Variants in KIF18A observed in about 807,000 individuals in gnomAD.
KIF18A encodes the protein kinesin family member 18A.
Under a neutral mutation model 103.3 loss-of-function variants are expected in KIF18A, and 67 were observed. The observed-to-expected ratio is 0.65, with a 90% CI of 0.53 to 0.79. KIF18A has a LOEUF of 0.79. Ranked by LOEUF, KIF18A falls within the 30% of genes least tolerant of loss-of-function variation. The pLI is 0.00. For synonymous variants in KIF18A, 367 were observed against 355.5 expected (o/e 1.03, Z -0.36); for missense variants, 1,032 against 1,062.5 (o/e 0.97, Z 0.40).
intron 6 of KIF18A, among the ~76,000 whole-genome samples, chr11:28,087,359 T>A (rs1485450516): frequency 1.3e-5 from 2 of 152,244 alleles, no homozygotes; most frequent in African/African-American, 4.8e-5. Flanking sequence ...GTTCCTGTGT[T>A]AGTTTGCTGA....
intron 16 of KIF18A, among the ~76,000 whole-genome samples, 159 bp from the exon 17 acceptor site, chr11:28,021,441 G>T (rs1488613130): frequency 6.6e-6 from 1 of 152,170 alleles, no homozygotes; most frequent in Non-Finnish European, 1.5e-5. Flanking sequence ...ACAACAAAGA[G>T]ACATTAATAC....
At chr11:28,026,720 T>A (rs1017826055) in intron 15 of KIF18A, among the ~76,000 whole-genome samples, 6 of 151,744 alleles carry the variant, frequency 4.0e-5, no homozygotes, top group African/African-American at 9.7e-5. Flanking sequence ...TCTATAAACA[T>A]TTGTGACATC....
chr11:28,045,667 A>G (rs1337284623), intron 13 of KIF18A, among the ~76,000 whole-genome samples: 1 of 152,112 alleles, frequency 6.6e-6, no homozygotes, highest in Admixed American at 6.6e-5. Flanking sequence ...AGAAGAAATA[A>G]GGTGGCGGTG....
intron 9 of KIF18A, among the ~76,000 whole-genome samples, chr11:28,077,916 A>G (rs921153510): frequency 5.9e-5 from 9 of 152,176 alleles, no homozygotes; most frequent in African/African-American, 2.2e-4. Context: ...CTTCAAGCTG[A>G]TTAAATTTTA....
intron 13 of KIF18A, among the ~76,000 whole-genome samples, chr11:28,053,242 T>G (rs1204077846): frequency 6.6e-6 from 1 of 152,184 alleles, no homozygotes; most frequent in Non-Finnish European, 1.5e-5. Flanking sequence ...ACACACTTGA[T>G]GTAAATGGAA....
chr11:28,068,748 C>G (rs1025562828), intron 11 of KIF18A, among the ~76,000 whole-genome samples: 1 of 152,140 alleles, frequency 6.6e-6, no homozygotes, highest in Non-Finnish European at 1.5e-5. Flanking sequence ...CTGCATACTT[C>G]CAAGACTTAT....
chr11:28,100,081 G>C (rs1029699721), intron 1 of KIF18A, among the ~76,000 whole-genome samples: 7 of 152,098 alleles, frequency 4.6e-5, no homozygotes, highest in Non-Finnish European at 7.4e-5. Context: ...CAGGATTGAA[G>C]AATAACTCCA....
chr11:28,101,351 T>C (rs942531357), intron 1 of KIF18A, among the ~76,000 whole-genome samples: 10 of 152,198 alleles, frequency 6.6e-5, no homozygotes, highest in African/African-American at 2.4e-5. Context: ...ATAAATGAAA[T>C]TGTTAACAAA....
At position 28,097,968 on chromosome 11, in the gene KIF18A, A is replaced by G. The variant is rs779851589; in HGVS notation, c.-21T>C. 1.9e-5 allele frequency: 29 copies of G among 1,489,908 alleles called. No homozygotes were observed. The Middle Eastern group carries it at 5.3e-4, about 27-fold the overall frequency. The allele number at this position is 1,489,908 out of a possible 1,614,324, so 92.3% of individuals were successfully genotyped here. ...GACATTGTTGATTATCTTGATTCCTATCTGTATAAATACTTGAATACTTCT... is the reference window on the plus strand; with the variant it reads ...GACATTGTTGATTATCTTGATTCCTGTCTGTATAAATACTTGAATACTTCT... On this transcript the variant is annotated 5_prime_UTR_variant, in exon 2 of 17. Coordinates refer to ENST00000263181, the MANE Select transcript of KIF18A (RefSeq NM_031217.4).
At chr11:28,040,614 G>T (rs910705365) in intron 13 of KIF18A, among the ~76,000 whole-genome samples, 2 of 151,672 alleles carry the variant, frequency 1.3e-5, no homozygotes, top group Admixed American at 1.3e-4. Context: ...GTGCTACACA[G>T]AAGGGAACAG....
intron 9 of KIF18A, among the ~76,000 whole-genome samples, chr11:28,079,356 A>C (rs1433040950): frequency 6.6e-6 from 1 of 152,072 alleles, no homozygotes; most frequent in African/African-American, 2.4e-5. Flanking sequence ...AACTAATAAT[A>C]CTATATCAGA....
chr11:28,105,021 AACAG>A (rs1207389056), intron 1 of KIF18A, among the ~76,000 whole-genome samples: 1 of 151,990 alleles, frequency 6.6e-6, no homozygotes, highest in African/African-American at 2.4e-5. Context: ...TTTATTTCAA[AACAG>A]ACAAACAACA....
intron 13 of KIF18A, among the ~76,000 whole-genome samples, chr11:28,041,954 C>A (rs1850566207): frequency 6.6e-6 from 1 of 151,280 alleles, no homozygotes; most frequent in South Asian, 2.1e-4. Flanking sequence ...TTTTTGACAT[C>A]CCCTTCCCTC....
rs1296426584 is a variant in KIF18A at position 28,076,207 on chromosome 11, T to TA, written c.1425+799dup. Among the ~76,000 whole-genome samples, 6 of 151,868 alleles carry TA rather than the reference T, an allele frequency of 4.0e-5. No individual in the cohort carries two copies. The South Asian group carries it at 6.2e-4, about 16-fold the overall frequency. ...GGGAGAGGGCAGTATATTATTGTATTAAAAAAAATAGTAAAACTGATTAAA... is the reference window on the plus strand; with the variant it reads ...GGGAGAGGGCAGTATATTATTGTATTAAAAAAAAATAGTAAAACTGATTAAA... On this transcript the variant is annotated intron_variant, in intron 10 of 16. Transcript: ENST00000263181.
chr11:28,091,344 T>A, intron 4 of KIF18A, 65 bp downstream of exon 4: 1 of 804,544 alleles, frequency 1.2e-6, no homozygotes, highest in South Asian at 1.7e-5. Flanking sequence ...AGTGCATGGC[T>A]GGTGAAAATA....
intron 6 of KIF18A, among the ~76,000 whole-genome samples, chr11:28,087,217 T>A (rs1417787514): frequency 6.6e-6 from 1 of 152,178 alleles, no homozygotes; most frequent in Non-Finnish European, 1.5e-5. Flanking sequence ...CCTAATGCTA[T>A]CCCTCCCCTA....
chr11:28,029,345 T>C (rs1483755725), intron 15 of KIF18A, among the ~76,000 whole-genome samples: 1 of 152,184 alleles, frequency 6.6e-6, no homozygotes, highest in Non-Finnish European at 1.5e-5. Context: ...GCAAGTGGGC[T>C]TCATCCCTGG....
chr11:28,024,915 G>C (rs1850296031), intron 15 of KIF18A, among the ~76,000 whole-genome samples: 2 of 151,752 alleles, frequency 1.3e-5, no homozygotes, highest in Non-Finnish European at 2.9e-5. Flanking sequence ...CTGCAACCGA[G>C]GATAGTATCA....
At chr11:28,024,449 T>C (rs766610544) in intron 15 of KIF18A, among the ~76,000 whole-genome samples, 10 of 152,108 alleles carry the variant, frequency 6.6e-5, no homozygotes, top group Non-Finnish European at 1.2e-4. Flanking sequence ...TGAGTTGCCA[T>C]ATTAGTAAAC....
Sources: gnomAD v4.1 joint callset for allele counts (sites outside exome capture counted in the v4.1 genomes callset) on GRCh38, gnomAD v4.1.1 for gene constraint, MANE v1.5 for transcripts, NCBI Gene and HGNC (gene_info 2026-07-23, HGNC 2026-07-21) for gene names.